The following ADAMTSL1 variants were observed in gnomAD, a reference collection of about 807,000 sequenced individuals.
ADAMTSL1 encodes ADAMTS like 1.
In ADAMTSL1, 126 loss-of-function variants were observed where a neutral mutation model predicts 201.8. The ratio of observed to expected loss-of-function variants is 0.62; its 90% CI spans 0.54 to 0.72. The LOEUF (loss-of-function observed/expected upper bound fraction) is 0.72. Ranked by LOEUF, ADAMTSL1 falls within the 30% of genes least tolerant of loss-of-function variation. The pLI is 0.00. For missense variants in ADAMTSL1, 2,679 were observed against 2,277.8 expected, an observed-to-expected ratio of 1.18 and a Z score of -3.59; for synonymous variants, 1,121 against 903.4, an observed-to-expected ratio of 1.24 and a Z score of -4.32.
rs1471505577 is a variant in ADAMTSL1, at chr9:18,706,772, T to C, written c.1600T>C (p.Cys534Arg). ...PSFIPEAWSACTVTCGVGTQV... is the reference protein window; with the variant it reads ...PSFIPEAWSARTVTCGVGTQV... ...GTTCATCCCAGAGGCCTGGTCGGCC[T>C]GCACAGTCACCTGTGGTGTGGGGAC... Residue 534 changes from cysteine (C) to arginine (R), a missense_variant, in exon 14 of 29, where the codon TGC becomes CGC. Coordinates refer to ENST00000380548, the MANE Select transcript of ADAMTSL1 (RefSeq NM_001040272.6). 2 of 1,606,922 alleles carry C rather than the reference T, an allele frequency of 1.2e-6. No individual in the cohort carries two copies. The highest frequency in any genetic ancestry group is 1.7e-6 in the Non-Finnish European group (2 of 1,176,692).
At chr9:18,378,902 G>A (rs1214892009) in intron 2 of ADAMTSL1, among the ~76,000 whole-genome samples, 2 of 152,116 alleles carry the variant, frequency 1.3e-5, no homozygotes, top group South Asian at 2.1e-4. Flanking sequence ...ATAGAGTAAC[G>A]TCCTTGGAAG....
chr9:18,537,409 C>T (rs950045348), intron 3 of ADAMTSL1, among the ~76,000 whole-genome samples: 1 of 152,114 alleles, frequency 6.6e-6, no homozygotes, highest in South Asian at 2.1e-4. Flanking sequence ...CTGTGAAGTA[C>T]AAGAGAGTTT....
At chr9:18,061,731 G>A (rs1822463788) in intron 1 of ADAMTSL1, among the ~76,000 whole-genome samples, 1 of 152,168 alleles carries the variant, frequency 6.6e-6, no homozygotes, top group South Asian at 2.1e-4. Flanking sequence ...TTGAAAACAA[G>A]TTCCACTTCT....
At chr9:18,499,959 A>G (rs1429956538) in intron 1 of ADAMTSL1, among the ~76,000 whole-genome samples, 1 of 152,172 alleles carries the variant, frequency 6.6e-6, no homozygotes, top group Non-Finnish European at 1.5e-5. Flanking sequence ...AGTACCCTGT[A>G]TATGCGTGTC....
intron 26 of ADAMTSL1, among the ~76,000 whole-genome samples, chr9:18,900,913 G>A (rs764565415): frequency 8.5e-5 from 13 of 152,056 alleles, no homozygotes; most frequent in Non-Finnish European, 1.8e-4. Flanking sequence ...AGAACTTAAA[G>A]GTTGAAGGAA....
chr9:18,766,156 C>G (rs1270937543), intron 16 of ADAMTSL1, among the ~76,000 whole-genome samples: 2 of 152,198 alleles, frequency 1.3e-5, no homozygotes, highest in Non-Finnish European at 2.9e-5. Flanking sequence ...ATACATTCAC[C>G]TAGCTAGAAC....
At chr9:17,952,557 T>TA (rs1372564495) in intron 1 of ADAMTSL1, among the ~76,000 whole-genome samples, 6 of 152,148 alleles carry the variant, frequency 3.9e-5, no homozygotes, top group Non-Finnish European at 8.8e-5. Context: ...TGCATTGACT[T>TA]AAAAAAAGTT....
chr9:18,885,535 C>T (rs554822054), intron 23 of ADAMTSL1, among the ~76,000 whole-genome samples: 2 of 152,240 alleles, frequency 1.3e-5, no homozygotes, highest in South Asian at 4.1e-4. Flanking sequence ...ATGGCCAAAG[C>T]CAAGAGGGGG....
intron 3 of ADAMTSL1, among the ~76,000 whole-genome samples, chr9:18,567,709 C>T (rs1325702462): frequency 6.6e-6 from 1 of 151,990 alleles, no homozygotes; most frequent in Non-Finnish European, 1.5e-5. Context: ...AGTACCTAAC[C>T]CTATAGATAC....
intron 2 of ADAMTSL1, among the ~76,000 whole-genome samples, chr9:18,505,899 G>A (rs559345879): frequency 5.7e-4 from 87 of 152,294 alleles, no homozygotes; most frequent in African/African-American, 1.0e-3. Flanking sequence ...TGAAATCAGC[G>A]TCTGAGCCTT....
chr9:18,524,764 A>G (rs1340814365), intron 2 of ADAMTSL1, among the ~76,000 whole-genome samples: 1 of 152,128 alleles, frequency 6.6e-6, no homozygotes, highest in Non-Finnish European at 1.5e-5. Flanking sequence ...TGTATGTTGA[A>G]CCAGCCTTGA....
At chr9:18,860,220 C>G (rs756446814) in intron 23 of ADAMTSL1, among the ~76,000 whole-genome samples, 1 of 152,168 alleles carries the variant, frequency 6.6e-6, no homozygotes, top group African/African-American at 2.4e-5. Flanking sequence ...AAAATGGCTG[C>G]TTTCTTTGGG....
chr9:18,225,854 C>G (rs986528546), intron 2 of ADAMTSL1, among the ~76,000 whole-genome samples: 1 of 151,928 alleles, frequency 6.6e-6, no homozygotes, highest in Non-Finnish European at 1.5e-5. Context: ...TTTCTTCTTG[C>G]CTGAGGTGTG....
At chr9:18,411,911 T>A (rs985470217) in intron 2 of ADAMTSL1, among the ~76,000 whole-genome samples, 2 of 152,214 alleles carry the variant, frequency 1.3e-5, no homozygotes, top group African/African-American at 4.8e-5. Flanking sequence ...TCTGAGGTAC[T>A]TTTTATGTAA....
intron 1 of ADAMTSL1, among the ~76,000 whole-genome samples, chr9:18,151,768 C>A (rs1053933871): frequency 2.0e-5 from 3 of 151,910 alleles, no homozygotes; most frequent in Non-Finnish European, 4.4e-5. Context: ...ACAAAAGGCC[C>A]AAAACACATA....
At chr9:18,169,461 C>T (rs1438861711) in intron 2 of ADAMTSL1, among the ~76,000 whole-genome samples, 3 of 151,974 alleles carry the variant, frequency 2.0e-5, no homozygotes, top group Admixed American at 1.3e-4. Context: ...TTTCTGAGGG[C>T]TCTGTTGTGT....
At position 18,827,194 on chromosome 9, in the gene ADAMTSL1, C is replaced by CA. The variant is rs548502927; in HGVS notation, c.4114+739dup. ...AAAAAAAAATTTTTTTTGGCTTTCT[C>CA]AAAAAAAAGAGCAATTATTAGAGCA... is the stretch of plus-strand genomic sequence containing the variant. On this transcript the variant is annotated intron_variant, in intron 22 of 28. Coordinates refer to ENST00000380548, the MANE Select transcript of ADAMTSL1 (RefSeq NM_001040272.6). Among the ~76,000 whole-genome samples the CA allele has an allele frequency of 4.5e-4, 67 of 150,004 alleles. No individual in the cohort carries two copies. The South Asian group carries it at 7.3e-3, about 16-fold the overall frequency.
At chr9:17,932,454 T>C (rs1055636898) in intron 1 of ADAMTSL1, among the ~76,000 whole-genome samples, 6 of 152,180 alleles carry the variant, frequency 3.9e-5, no homozygotes, top group Non-Finnish European at 7.4e-5. Context: ...ATATCTCTTA[T>C]GCTTTTTTGT....
At chr9:18,881,067 G>A (rs1828501908) in intron 23 of ADAMTSL1, among the ~76,000 whole-genome samples, 1 of 152,134 alleles carries the variant, frequency 6.6e-6, no homozygotes, top group South Asian at 2.1e-4. Context: ...GAGGTAGTAG[G>A]GCTTGCTCTG....
Sources: allele counts gnomAD v4.1 joint callset (sites outside exome capture counted in the v4.1 genomes callset), GRCh38; gene constraint gnomAD v4.1.1; transcripts MANE v1.5; gene names NCBI Gene and HGNC (gene_info 2026-07-23, HGNC 2026-07-21).